ZEB2: variants seen among roughly 807,000 people sequenced by gnomAD.
ZEB2 encodes the protein zinc finger E-box binding homeobox 2.
A neutral mutation model predicts 99.9 loss-of-function variants in ZEB2; 6 were observed. That is an observed-to-expected ratio of 0.06 (90% CI 0.03 to 0.12). The LOEUF is 0.12. Among genes scored for constraint, ZEB2 ranks in the 10% least tolerant of loss-of-function variants. The pLI is 1.00. For synonymous variants in ZEB2, 517 were observed against 542.5 expected, an observed-to-expected ratio of 0.95 and a Z score of 0.65; for missense variants, 969 against 1,502.8, an observed-to-expected ratio of 0.64 and a Z score of 5.87.
chr2:144,517,684 G>A (rs777776816), intron 1 of ZEB2: 2 of 702,308 alleles, frequency 2.8e-6, no homozygotes, highest in South Asian at 3.0e-5. Context: ...CATAACTCCT[G>A]ACCGTATGAG....
chr2:144,517,886 T>C (rs1705189338), intron 1 of ZEB2: 1 of 447,490 alleles, frequency 2.2e-6, no homozygotes, highest in Admixed American at 4.3e-5. Context: ...AAACAGCCCC[T>C]GGATGAAGCA....
At chr2:144,390,195 C>A (rs1322684303) in intron 9 of ZEB2, among the ~76,000 whole-genome samples, 167 bp from the exon 10 acceptor site, 1 of 152,166 alleles carries the variant, frequency 6.6e-6, no homozygotes, top group East Asian at 1.9e-4. Flanking sequence ...GCATTTCCAT[C>A]CCACAATTTG....
chr2:144,519,986 AG>A lies in ZEB2; in HGVS notation c.-118del. 1 of 454,552 alleles carries A rather than the reference AG, an allele frequency of 2.2e-6. No individual in the cohort carries two copies. Among genetic ancestry groups the A allele is most frequent in the Non-Finnish European group, 4.4e-6 (1 of 226,788 alleles). 28.2% of individuals were successfully genotyped at this position (454,552 alleles called of 1,614,324 possible). On this transcript the variant is annotated 5_prime_UTR_variant, in exon 1 of 10. It removes the in-frame stop codon of an upstream open reading frame in the 5' UTR. Coordinates refer to ENST00000627532, the MANE Select transcript of ZEB2 (RefSeq NM_014795.4). ...TTGGCCAGAAATGGTGAGAAGAAAA[AG>A]CATGAAGAAGCCGCGAAGTGTGGGG...
chr2:144,435,940 T>A (rs529717699), intron 2 of ZEB2, among the ~76,000 whole-genome samples: 6 of 151,956 alleles, frequency 3.9e-5, no homozygotes, highest in African/African-American at 9.6e-5. Flanking sequence ...TTTTTTTTTT[T>A]AAATCACAGT....
At chr2:144,473,154 T>C (rs1307085366) in intron 2 of ZEB2, among the ~76,000 whole-genome samples, 1 of 152,060 alleles carries the variant, frequency 6.6e-6, no homozygotes, top group Non-Finnish European at 1.5e-5. Flanking sequence ...TCAGGAAACA[T>C]TGGCAAAGAA....
intron 2 of ZEB2, among the ~76,000 whole-genome samples, chr2:144,432,193 C>T (rs1004381125): frequency 6.6e-6 from 1 of 152,164 alleles, no homozygotes; most frequent in Admixed American, 6.5e-5. Context: ...GCAATGAAGT[C>T]ATGTCTCACC....
At chr2:144,500,926 T>C (rs1704858851) in intron 2 of ZEB2, among the ~76,000 whole-genome samples, 2 of 152,142 alleles carry the variant, frequency 1.3e-5, no homozygotes, top group African/African-American at 2.4e-5. Flanking sequence ...CGCTAGCCTA[T>C]CTCATCTCTA....
At chr2:144,430,537 C>T (rs1703756590) in intron 2 of ZEB2, 1 of 182,756 alleles carries the variant, frequency 5.5e-6, no homozygotes, top group South Asian at 1.5e-4. Flanking sequence ...CATACACAAA[C>T]CTGCTCCATC....
intron 2 of ZEB2, among the ~76,000 whole-genome samples, chr2:144,510,944 G>A (rs895005668): frequency 1.3e-5 from 2 of 152,168 alleles, no homozygotes; most frequent in African/African-American, 4.8e-5. Flanking sequence ...TCAAAAGACC[G>A]CCGTGTCAGG....
At chr2:144,410,711 C>G (rs892439687) in intron 4 of ZEB2, among the ~76,000 whole-genome samples, 1 of 151,978 alleles carries the variant, frequency 6.6e-6, no homozygotes, top group Non-Finnish European at 1.5e-5. Context: ...GACAGGTACT[C>G]TATTATCACT....
intron 2 of ZEB2, among the ~76,000 whole-genome samples, chr2:144,456,362 C>T (rs1704121898): frequency 6.6e-6 from 1 of 152,140 alleles, no homozygotes; most frequent in Admixed American, 6.5e-5. Context: ...CTATCGTAAG[C>T]AGACAATTCG....
chr2:144,409,950 C>T (rs1231428410), intron 4 of ZEB2, among the ~76,000 whole-genome samples: 11 of 147,396 alleles, frequency 7.5e-5, no homozygotes, highest in South Asian at 2.1e-4. Context: ...CTTGCTCTGT[C>T]GCCCAGGCTA....
intron 3 of ZEB2, among the ~76,000 whole-genome samples, chr2:144,425,773 C>G (rs187511318): frequency 1.3e-5 from 2 of 151,996 alleles, no homozygotes; most frequent in Non-Finnish European, 2.9e-5. Flanking sequence ...GTAAATTAAA[C>G]GTGAAGTTTA....
chr2:144,426,906 G>C (rs1703697113), intron 3 of ZEB2: 1 of 152,122 alleles, frequency 6.6e-6, no homozygotes. Context: ...ATTTAATTAA[G>C]TTTCAAGTGA....
At chr2:144,487,869 A>G (rs766422723) in intron 2 of ZEB2, among the ~76,000 whole-genome samples, 8 of 152,226 alleles carry the variant, frequency 5.3e-5, no homozygotes, top group African/African-American at 9.6e-5. Context: ...GCAATACTCA[A>G]AGTTGAACTT....
chr2:144,482,182 G>T (rs1393331874), intron 2 of ZEB2: 1 of 151,986 alleles, frequency 6.6e-6, no homozygotes, highest in Non-Finnish European at 1.5e-5. Context: ...GCTGGGGTGG[G>T]TTCCCTCCAA....
chr2:144,498,025 TTATATAA>T lies in ZEB2; in HGVS notation c.73+19246_73+19252del, dbSNP rs1704804481. Among the ~76,000 whole-genome samples, 11 of 45,334 alleles carry T rather than the reference TTATATAA, an allele frequency of 2.4e-4. 2 individuals carry two copies. The highest frequency in any genetic ancestry group is 8.9e-4 in the Admixed American group (2 of 2,246). 29.7% of individuals were successfully genotyped at this position (45,334 alleles called of 152,430 possible). A position where few individuals can be genotyped will look rare whatever the true frequency, so the allele number is the denominator to read the frequency against. Reference sequence around the variant, plus strand: ...TTATATAATATATTAATATTATATATTATATAATATATATTAATATTATATATTATAT... The same window carrying T: ...TTATATAATATATTAATATTATATATTATATATTAATATTATATATTATAT... On this transcript the variant is annotated intron_variant, in intron 2 of 9. Coordinates refer to ENST00000627532, the MANE Select transcript of ZEB2 (RefSeq NM_014795.4).
chr2:144,516,935 C>A (rs1377877967), intron 2 of ZEB2, among the ~76,000 whole-genome samples: 1 of 151,288 alleles, frequency 6.6e-6, no homozygotes, highest in East Asian at 2.0e-4. Context: ...CGGCCGGAGA[C>A]CCGGCGGGCC....
chr2:144,514,061 A>C (rs1244488889), intron 2 of ZEB2: 1 of 545,634 alleles, frequency 1.8e-6, no homozygotes, highest in African/African-American at 1.9e-5. Context: ...GGGAAAGGAG[A>C]CTGACTGCCC....
Sources: allele counts gnomAD v4.1 joint callset (sites outside exome capture counted in the v4.1 genomes callset), GRCh38; gene constraint gnomAD v4.1.1; transcripts MANE v1.5; gene names NCBI Gene and HGNC (gene_info 2026-07-23, HGNC 2026-07-21).